KAT7: variants seen among roughly 807,000 people sequenced by gnomAD.
The protein encoded by KAT7 is lysine acetyltransferase 7.
In KAT7, 10 loss-of-function variants were observed where a neutral mutation model predicts 82.1. The observed-to-expected ratio is 0.12, with a 90% CI of 0.08 to 0.21. KAT7 has a LOEUF of 0.21. KAT7 is among the 10% of genes least tolerant of loss of function. The pLI is 1.00. For missense variants in KAT7, 378 were observed against 760.9 expected (o/e 0.50, Z 5.92); for synonymous variants, 250 against 262.5 (o/e 0.95, Z 0.46).
intron 12 of KAT7, among the ~76,000 whole-genome samples, chr17:49,825,471 A>G (rs1442493451): frequency 6.6e-6 from 1 of 152,218 alleles, no homozygotes; most frequent in Non-Finnish European, 1.5e-5. Context: ...CTATTACAGT[A>G]GTGCCCTCCT....
intron 6 of KAT7, 53 bp downstream of exon 6, chr17:49,809,261 G>C (rs2074131561): frequency 3.8e-6 from 5 of 1,318,510 alleles, no homozygotes; most frequent in African/African-American, 1.4e-5. Context: ...CCGTTTCTTG[G>C]ATCTCCTCTA....
rs2144015829 is a variant in KAT7, at chr17:49,831,107, C to A, written c.*3605C>A. Reference sequence around the variant, plus strand: ...GACTAGCCTGGGCAGCATGGTGAAACCCCAGCTCTACAAAAAATAGAAAAA... The same window carrying A: ...GACTAGCCTGGGCAGCATGGTGAAAACCCAGCTCTACAAAAAATAGAAAAA... On this transcript the variant is annotated 3_prime_UTR_variant, in exon 15 of 15. Transcript: ENST00000259021. 1 of 152,276 alleles carries A rather than the reference C, an allele frequency of 6.6e-6. No individual in the cohort carries two copies. Among genetic ancestry groups the A allele is most frequent in the African/African-American group, 2.4e-5 (1 of 41,502 alleles). 9.4% of individuals were successfully genotyped at this position (152,276 alleles called of 1,614,324 possible).
chr17:49,826,857 C>A, intron 14 of KAT7, 58 bp downstream of exon 14: 1 of 1,130,172 alleles, frequency 8.8e-7, no homozygotes, highest in Non-Finnish European at 1.3e-6. Context: ...CTTAGCAGAG[C>A]AAAGTATGGG....
In KAT7 at chr17:49,826,915, C is replaced by G. The variant is rs931924378; in HGVS notation, c.1734+116C>G. ...CTTAAAGGAGTTGGGCTACACGCCC[C>G]TTTTACTGGGTCTCATTTCTGTAGC... On this transcript the variant is annotated intron_variant, in intron 14 of 14. Coordinates refer to ENST00000259021, the MANE Select transcript of KAT7 (RefSeq NM_007067.5). The G allele has an allele frequency of 4.8e-6, 3 of 629,492 alleles. No individual in the cohort carries two copies. In the African/African-American group the frequency reaches 5.5e-5, roughly 12 times the overall value. 39.0% of individuals were successfully genotyped at this position (629,492 alleles called of 1,614,324 possible).
At chr17:49,791,120 C>T (rs2073882455) in intron 1 of KAT7, among the ~76,000 whole-genome samples, 1 of 152,182 alleles carries the variant, frequency 6.6e-6, no homozygotes. Context: ...ATGGCATACG[C>T]ACTAACAATT....
chr17:49,798,554 T>G lies in KAT7; in HGVS notation c.576T>G (p.Ser192=), dbSNP rs148451296. The change falls in exon 4 of 15, where the codon TCT becomes TCG. Residue 192 remains serine, a synonymous_variant. Transcript: ENST00000259021. Reference sequence around the variant, plus strand: ...AGTGTCCTACACCAGGCTGTAACTCTCTAGGTCAGTGTGCCCTAGCTTCAT... The same window carrying G: ...AGTGTCCTACACCAGGCTGTAACTCGCTAGGTCAGTGTGCCCTAGCTTCAT... ...NMKCPTPGCN[S]LGHLTGKHER... 349 of 1,602,282 alleles carry G rather than the reference T, an allele frequency of 2.2e-4. No homozygotes were observed. Among genetic ancestry groups the G allele is most frequent in the Non-Finnish European group, 2.2e-4 (256 of 1,170,830 alleles).
chr17:49,822,453 A>G (rs564432555), intron 11 of KAT7, among the ~76,000 whole-genome samples: 1 of 151,920 alleles, frequency 6.6e-6, no homozygotes, highest in Non-Finnish European at 1.5e-5. Context: ...CTGGTCTCGA[A>G]CTCCTGACCT....
chr17:49,806,993 G>T (rs2074099398), intron 5 of KAT7, among the ~76,000 whole-genome samples: 1 of 152,190 alleles, frequency 6.6e-6, no homozygotes, highest in Non-Finnish European at 1.5e-5. Context: ...AACAGCTCTA[G>T]TGTTTTTGAA....
chr17:49,811,936 T>G (rs1042318888), intron 7 of KAT7, among the ~76,000 whole-genome samples: 1 of 152,254 alleles, frequency 6.6e-6, no homozygotes, highest in Admixed American at 6.5e-5. Context: ...AGTAGTCTGC[T>G]TATTTTAATG....
rs1461691311 is a variant in KAT7, at chr17:49,828,758, T to C, written c.*1256T>C. 1 of 153,268 alleles carries C rather than the reference T, an allele frequency of 6.5e-6. No individual in the cohort carries two copies. The highest frequency in any genetic ancestry group is 2.4e-5 in the African/African-American group (1 of 41,468). 9.5% of individuals were successfully genotyped at this position (153,268 alleles called of 1,614,324 possible). A position where few individuals can be genotyped will look rare whatever the true frequency, so the allele number is the denominator to read the frequency against. On this transcript the variant is annotated 3_prime_UTR_variant, in exon 15 of 15. Coordinates refer to ENST00000259021, the MANE Select transcript of KAT7 (RefSeq NM_007067.5). ...TAACCTGCTATCTTGGGGCAACTTT[T>C]GATGTATGACATGTCACCCTTCCCA...
In KAT7 at chr17:49,831,383, G is replaced by A. The variant is rs2074423677; in HGVS notation, c.*3881G>A. ...AAAAGATGTGCCTCATTCTGGCATT[G>A]TTTCTGATTTAGGAATAAACTGTTC... On this transcript the variant is annotated 3_prime_UTR_variant, in exon 15 of 15. Transcript: ENST00000259021. 1 of 152,200 alleles carries A rather than the reference G, an allele frequency of 6.6e-6. No individual in the cohort carries two copies. The highest frequency in any genetic ancestry group is 2.4e-5 in the African/African-American group (1 of 41,452). The allele number at this position is 152,200 out of a possible 1,614,324, so 9.4% of individuals were successfully genotyped here.
intron 4 of KAT7, among the ~76,000 whole-genome samples, chr17:49,801,226 T>C (rs1205704638): frequency 2.6e-5 from 4 of 152,182 alleles, no homozygotes; most frequent in African/African-American, 9.7e-5. Flanking sequence ...ACTCTATAAT[T>C]ACCAGGCTGG....
At chr17:49,804,018 T>C (rs1481478932) in intron 4 of KAT7, among the ~76,000 whole-genome samples, 1 of 152,058 alleles carries the variant, frequency 6.6e-6, no homozygotes, top group Admixed American at 6.6e-5. Flanking sequence ...ACCTTTTGGT[T>C]GAAGAGAAAT....
intron 13 of KAT7, chr17:49,826,487 C>T (rs1284049134): frequency 9.3e-6 from 5 of 536,750 alleles, no homozygotes; most frequent in Non-Finnish European, 1.7e-5. Flanking sequence ...TCTAAGGGGC[C>T]AAGAGTAGCT....
At chr17:49,815,119 TA>T (rs1348811976) in intron 7 of KAT7, 1 of 152,258 alleles carries the variant, frequency 6.6e-6, no homozygotes, top group African/African-American at 2.4e-5. Flanking sequence ...CTCATGCTTT[TA>T]ATTTTCTATG....
chr17:49,822,267 G>T (rs1255264373), intron 11 of KAT7, among the ~76,000 whole-genome samples: 2 of 150,106 alleles, frequency 1.3e-5, no homozygotes, highest in Admixed American at 6.6e-5. Context: ...TCACTCTGTT[G>T]CCCAGGCTGG....
chr17:49,825,605 T>C (rs2143992957), intron 12 of KAT7, among the ~76,000 whole-genome samples: 1 of 152,342 alleles, frequency 6.6e-6, no homozygotes, highest in Middle Eastern at 3.4e-3. Context: ...TTTATTACAG[T>C]ATATTGTTAT....
At chr17:49,812,002 T>C (rs546460757) in intron 7 of KAT7, among the ~76,000 whole-genome samples, 2 of 152,354 alleles carry the variant, frequency 1.3e-5, no homozygotes, top group African/African-American at 2.4e-5. Flanking sequence ...TATTCTGTAA[T>C]AGACCTTCTT....
At chr17:49,810,374 A>C (rs1388793512) in intron 6 of KAT7, among the ~76,000 whole-genome samples, 2 of 152,150 alleles carry the variant, frequency 1.3e-5, no homozygotes, top group African/African-American at 4.8e-5. Flanking sequence ...CTCTTGCCTC[A>C]GTCTCCCAAG....
Sources: gnomAD v4.1 joint callset for allele counts (sites outside exome capture counted in the v4.1 genomes callset) on GRCh38, gnomAD v4.1.1 for gene constraint, MANE v1.5 for transcripts, NCBI Gene and HGNC (gene_info 2026-07-23, HGNC 2026-07-21) for gene names.